The following PHLDB3 variants were observed in gnomAD, a reference collection of about 807,000 sequenced individuals.
The protein encoded by PHLDB3 is pleckstrin homology like domain family B member 3.
PHLDB3 carries 86 observed loss-of-function variants against 85.7 expected under a neutral mutation model. The ratio of observed to expected loss-of-function variants is 1.00; its 90% CI spans 0.84 to 1.20. PHLDB3 has a LOEUF of 1.20. PHLDB3 is among the 50% of genes most tolerant of loss of function. The pLI is 0.00. For missense variants in PHLDB3, 995 were observed against 873.0 expected (o/e 1.14, Z -1.76); for synonymous variants, 376 against 349.8 (o/e 1.07, Z -0.83).
chr19:43,494,136 T>C (rs1441774606), intron 9 of PHLDB3, among the ~76,000 whole-genome samples: 1 of 152,128 alleles, frequency 6.6e-6, no homozygotes, highest in Non-Finnish European at 1.5e-5. Context: ...CAGGTTCAAG[T>C]AATTCTCGTG....
At chr19:43,495,016 G>GA (rs1971410665) in intron 8 of PHLDB3, among the ~76,000 whole-genome samples, 2 of 10,592 alleles carry the variant, frequency 1.9e-4, no homozygotes, top group African/African-American at 6.8e-4. Context: ...AGGAGGGGCT[G>GA]GGGGCTGGAC....
intron 15 of PHLDB3, among the ~76,000 whole-genome samples, chr19:43,476,966 T>TA (rs1362507130): frequency 6.6e-6 from 1 of 151,218 alleles, no homozygotes; most frequent in Non-Finnish European, 1.5e-5. Context: ...ATTTTTCATT[T>TA]AAAAAATAAA....
At chr19:43,486,548 G>GTC (rs748308833) in intron 12 of PHLDB3, 61 bp downstream of exon 12, 45 of 1,549,874 alleles carry the variant, frequency 2.9e-5, no homozygotes, top group Non-Finnish European at 3.8e-5. Context: ...GGTCTCCCAG[G>GTC]TCTGAGGGAG....
At position 43,497,776 on chromosome 19, in the gene PHLDB3, C is replaced by T. The variant is rs1401410398; in HGVS notation, c.635G>A (p.Arg212His). The change falls in exon 5 of 16, where the codon CGC becomes CAC. Residue 212 changes from arginine (R) to histidine (H), a missense_variant. Arg to His is a conservative substitution (Grantham distance 29, BLOSUM62 0). Coordinates refer to ENST00000292140, the MANE Select transcript of PHLDB3 (RefSeq NM_198850.4). ...CTGCACACCCTGCAGAAGCCGCTCG[C>T]GTTGGTCCTCTGGCTGTGAGTCGAG... The part of the protein sequence containing the change: ...GQLDSQPEDQ[R>H]ERLLQGVQEM... 1.4e-5 allele frequency: 22 copies of T among 1,553,704 alleles called. No individual in the cohort carries two copies. The highest frequency in any genetic ancestry group is 8.3e-5 in the South Asian group (7 of 84,190).
At chr19:43,478,323 T>C (rs1490353363) in intron 14 of PHLDB3, among the ~76,000 whole-genome samples, 191 bp from the exon 15 acceptor site, 1 of 152,016 alleles carries the variant, frequency 6.6e-6, no homozygotes, top group Non-Finnish European at 1.5e-5. Context: ...GCACAGAAAC[T>C]GGACATGATT....
At chr19:43,478,245 G>T in intron 14 of PHLDB3, 113 bp from the exon 15 acceptor site, 1 of 727,034 alleles carries the variant, frequency 1.4e-6, no homozygotes, top group Non-Finnish European at 2.3e-6. Flanking sequence ...AAGAAACATG[G>T]TGACAAGAGT....
At chr19:43,484,579 G>A (rs560065436) in intron 13 of PHLDB3, among the ~76,000 whole-genome samples, 2 of 152,114 alleles carry the variant, frequency 1.3e-5, no homozygotes, top group South Asian at 4.1e-4. Flanking sequence ...GGGTGTGGTG[G>A]TGGGCACCTG....
At chr19:43,487,619 G>A (rs542534262) in intron 9 of PHLDB3, among the ~76,000 whole-genome samples, 10 of 135,206 alleles carry the variant, frequency 7.4e-5, no homozygotes, top group East Asian at 4.5e-4. Context: ...AGAAATGTCC[G>A]GAACAGGCAA....
At chr19:43,499,545 G>C (rs1176514217) in intron 4 of PHLDB3, among the ~76,000 whole-genome samples, 1 of 151,972 alleles carries the variant, frequency 6.6e-6, no homozygotes, top group African/African-American at 2.4e-5. Flanking sequence ...TCTGTCTCAG[G>C]AGAGAGGGCC....
intron 13 of PHLDB3, among the ~76,000 whole-genome samples, chr19:43,480,340 C>T (rs1449607661): frequency 6.8e-6 from 1 of 147,920 alleles, no homozygotes; most frequent in African/African-American, 2.5e-5. Flanking sequence ...CCTGTAATCT[C>T]AGCACTTTGG....
intron 4 of PHLDB3, among the ~76,000 whole-genome samples, chr19:43,501,327 G>A (rs894909760): frequency 2.6e-5 from 4 of 151,816 alleles, no homozygotes; most frequent in Non-Finnish European, 4.4e-5. Context: ...GGGACTACAG[G>A]CGCCCGCCAC....
At chr19:43,479,646 C>T (rs1047092342) in intron 13 of PHLDB3, 53 bp from the exon 14 acceptor site, 87 of 1,309,288 alleles carry the variant, frequency 6.6e-5, no homozygotes, top group Non-Finnish European at 9.3e-5. Context: ...GATTCTACAG[C>T]CTGGAGCCCC....
At chr19:43,477,244 G>T (rs1296514545) in intron 15 of PHLDB3, among the ~76,000 whole-genome samples, 3 of 148,402 alleles carry the variant, frequency 2.0e-5, no homozygotes, top group African/African-American at 7.9e-5. Flanking sequence ...TGACAGGCCA[G>T]GTGCGGTGGC....
chr19:43,497,097 C>A, intron 6 of PHLDB3, 21 bp downstream of exon 6: 1 of 1,436,828 alleles, frequency 7.0e-7, no homozygotes, highest in Non-Finnish European at 9.1e-7. Context: ...AGGGGGGCAG[C>A]GCTGGTCAGG....
Position 43,475,248 on chromosome 19 carries a change from G to A in PHLDB3, c.*162C>T. On this transcript the variant is annotated 3_prime_UTR_variant, in exon 16 of 16. Coordinates refer to ENST00000292140, the MANE Select transcript of PHLDB3 (RefSeq NM_198850.4). ...GGGCAAGGCACCTGCAACCCAGAAC[G>A]CAGCAGCTCAGGCCAGCTGAACTGC... The A allele has an allele frequency of 1.0e-6, 1 of 1,000,250 alleles. No individual in the cohort carries two copies. Among genetic ancestry groups the A allele is most frequent in the South Asian group, 1.7e-5 (1 of 57,668 alleles). The allele number at this position is 1,000,250 out of a possible 1,614,324, so 62.0% of individuals were successfully genotyped here. A position where few individuals can be genotyped will look rare whatever the true frequency, so the allele number is the denominator to read the frequency against.
Position 43,475,422 on chromosome 19 carries a change from GT to G in PHLDB3, c.1910del (p.Asn637ThrfsTer56), listed in dbSNP as rs779273543. ...MDVIVTAADE[N>X]HAP ...AGGGCGGGGCCACTCAGGGGGCGTG[GT>G]TTTCGTCAGCGGCGGTCACGATGAC... On this transcript the variant is annotated frameshift_variant, in exon 16 of 16. Coordinates refer to ENST00000292140, the MANE Select transcript of PHLDB3 (RefSeq NM_198850.4). LOFTEE classifies it high-confidence loss of function. 2.7e-5 allele frequency: 44 copies of G among 1,613,806 alleles called. No homozygotes were observed. Among genetic ancestry groups the G allele is most frequent in the Non-Finnish European group, 3.5e-5 (41 of 1,179,828 alleles).
intron 4 of PHLDB3, 47 bp from the exon 5 acceptor site, chr19:43,497,923 G>T: frequency 6.4e-7 from 1 of 1,558,854 alleles, no homozygotes. Flanking sequence ...CATAGCGGGA[G>T]AAGCAGCAGC....
chr19:43,484,561 A>T (rs764996498), intron 13 of PHLDB3, among the ~76,000 whole-genome samples: 4 of 151,974 alleles, frequency 2.6e-5, no homozygotes, highest in Non-Finnish European at 5.9e-5. Context: ...CAAACAAAAA[A>T]AATAAATGGG....
chr19:43,477,179 C>T (rs1970944559), intron 15 of PHLDB3, among the ~76,000 whole-genome samples: 1 of 152,180 alleles, frequency 6.6e-6, no homozygotes, highest in Non-Finnish European at 1.5e-5. Context: ...CCCAGTTGGA[C>T]ATCAGAGTCT....
Sources: gnomAD v4.1 joint callset for allele counts (sites outside exome capture counted in the v4.1 genomes callset) on GRCh38, gnomAD v4.1.1 for gene constraint, MANE v1.5 for transcripts, NCBI Gene and HGNC (gene_info 2026-07-23, HGNC 2026-07-21) for gene names.